The following TCOF1 variants were observed in gnomAD, a reference collection of about 807,000 sequenced individuals.
TCOF1 encodes the protein treacle ribosome biogenesis factor 1.
In TCOF1, 33 loss-of-function variants were observed where a neutral mutation model predicts 149.0. The ratio of observed to expected loss-of-function variants is 0.22; its 90% CI spans 0.17 to 0.30. The LOEUF (loss-of-function observed/expected upper bound fraction) is 0.30. TCOF1 is among the 10% of genes least tolerant of loss of function. TCOF1 has a pLI of 1.00. For synonymous variants in TCOF1, 789 were observed against 738.8 expected (o/e 1.07, Z -1.10); for missense variants, 1,728 against 1,840.7 (o/e 0.94, Z 1.12).
chr5:150,396,023 C>T (rs908929523), intron 23 of TCOF1, among the ~76,000 whole-genome samples: 4 of 152,026 alleles, frequency 2.6e-5, no homozygotes, highest in Non-Finnish European at 1.5e-5. Context: ...ATTTTCTGTC[C>T]CCCACCCTAA....
Position 150,392,853 on chromosome 5 carries a change from C to CT in TCOF1, c.3603+64dup, listed in dbSNP as rs151344577. On this transcript the variant is annotated intron_variant, in intron 22 of 26. Coordinates refer to ENST00000643257, the MANE Select transcript of TCOF1 (RefSeq NM_001371623.1). ...TAGGGTGGAGCCCCAGGCCAGGCTC[C>CT]TGTCTACCCGATCCCTCAGGTCAGG... 68 of 1,573,770 alleles carry CT rather than the reference C, an allele frequency of 4.3e-5. No individual in the cohort carries two copies. The highest frequency in any genetic ancestry group is 5.9e-5 in the Non-Finnish European group (68 of 1,153,270).
At position 150,379,709 on chromosome 5, in the gene TCOF1, C is replaced by T. The variant is rs188422537; in HGVS notation, c.2836C>T (p.Pro946Ser). Reference protein sequence around the residue: ...SEESDSDGEAPAAVTSAQVIK... With the variant: ...SEESDSDGEASAAVTSAQVIK... ...GGAATCAGACAGTGATGGGGAGGCA[C>T]CGGCAGCTGTGACCTCTGCCCAGGT... Residue 946 changes from proline to serine, a missense_variant, in exon 17 of 27, where the codon CCG (proline) becomes TCG (serine). This residue lies in a region of TCOF1 where 1,696 missense variants were observed against 1,765.4 expected (regional missense o/e 0.96). Coordinates refer to ENST00000643257, the MANE Select transcript of TCOF1 (RefSeq NM_001371623.1). 5 of 1,614,146 alleles carry T rather than the reference C, an allele frequency of 3.1e-6. No homozygotes were observed. In the East Asian group the frequency reaches 8.9e-5, roughly 29 times the overall value.
At position 150,392,772 on chromosome 5, in the gene TCOF1, T is replaced by G. The variant is rs1767708117; in HGVS notation, c.3585T>G (p.Asp1195Glu). 1 of 1,613,980 alleles carries G rather than the reference T, an allele frequency of 6.2e-7. No individual in the cohort carries two copies. Among genetic ancestry groups the G allele is most frequent in the African/African-American group, 1.3e-5 (1 of 75,044 alleles). ...CCGCAGCAGAGTCCAGCGAGGATGA[T>G]GTGGTGGCGCCATCCCAGGTAACTG... Reference protein sequence around the residue: ...EETAAESSEDDVVAPSQSLLS... With the variant: ...EETAAESSEDEVVAPSQSLLS... Residue 1195 changes from aspartate (D) to glutamate (E), a missense_variant, in exon 22 of 27, where the codon GAT (aspartate) becomes GAG (glutamate). By Grantham distance (45) the Asp-to-Glu change is conservative (BLOSUM62 2). Transcript: ENST00000643257.
At chr5:150,364,496 G>A (rs1760867316) in intron 3 of TCOF1, among the ~76,000 whole-genome samples, 1 of 152,196 alleles carries the variant, frequency 6.6e-6, no homozygotes, top group Admixed American at 6.5e-5. Context: ...CTCATTTGGT[G>A]TATGGGGCCC....
At position 150,376,437 on chromosome 5, in the gene TCOF1, G is replaced by C; in HGVS notation, c.2157G>C (p.Gly719=). 4 of 1,614,232 alleles carry C rather than the reference G, an allele frequency of 2.5e-6. No homozygotes were observed. Among genetic ancestry groups the C allele is most frequent in the Non-Finnish European group, 3.4e-6 (4 of 1,180,046 alleles). Residue 719 remains glycine (G), a synonymous_variant, in exon 14 of 27, where the codon GGG becomes GGC. Transcript: ENST00000643257. The part of the protein sequence containing the change: ...AVTVGQAKSV[G]KGLQVKAASV... Reference sequence around the variant, plus strand: ...TGTCATCCCAGGCAAAGTCTGTGGGGAAAGGCCTCCAGGTGAAAGCAGCCT... The same window carrying C: ...TGTCATCCCAGGCAAAGTCTGTGGGCAAAGGCCTCCAGGTGAAAGCAGCCT...
intron 17 of TCOF1, chr5:150,380,361 G>C (rs1416820686): frequency 5.6e-5 from 9 of 160,748 alleles, no homozygotes; most frequent in Admixed American, 5.2e-4. Flanking sequence ...CTACATGTTA[G>C]TTATTGTGCA....
At chr5:150,398,559 CG>C in intron 25 of TCOF1, 108 bp downstream of exon 25, 1 of 1,554,186 alleles carries the variant, frequency 6.4e-7, no homozygotes. Context: ...GGGGCCCAGT[CG>C]GGGGCGTCAG....
chr5:150,395,683 C>G (rs1356350345), intron 23 of TCOF1, among the ~76,000 whole-genome samples: 1 of 152,122 alleles, frequency 6.6e-6, no homozygotes, highest in East Asian at 1.9e-4. Flanking sequence ...TACACTGCAC[C>G]CAGAGCTCCC....
intron 3 of TCOF1, among the ~76,000 whole-genome samples, chr5:150,365,878 T>C (rs1761228826): frequency 6.6e-6 from 1 of 151,434 alleles, no homozygotes; most frequent in South Asian, 2.1e-4. Context: ...CCCAGCACTT[T>C]GGGAGGTCAA....
intron 11 of TCOF1, 24 bp downstream of exon 11, chr5:150,375,578 CTTTCT>C: frequency 6.2e-7 from 1 of 1,613,696 alleles, no homozygotes; most frequent in Non-Finnish European, 8.5e-7. Flanking sequence ...CTGTAAGGCT[CTTTCT>C]TTTTCCCCCC....
chr5:150,361,073 C>A lies in TCOF1; in HGVS notation c.109-83C>A. ...TTCTGAACCACCTGTCTATACAAGTCATGAGTTTGGGGAGATCTGGGCCCA... is the reference window on the plus strand; with the variant it reads ...TTCTGAACCACCTGTCTATACAAGTAATGAGTTTGGGGAGATCTGGGCCCA... On this transcript the variant is annotated intron_variant, in intron 1 of 26. Coordinates refer to ENST00000643257, the MANE Select transcript of TCOF1 (RefSeq NM_001371623.1). The A allele has an allele frequency of 5.1e-6, 8 of 1,577,852 alleles. No homozygotes were observed. In the South Asian group the frequency reaches 5.6e-5, roughly 11 times the overall value.
At chr5:150,377,682 C>T (rs1032032899) in intron 14 of TCOF1, among the ~76,000 whole-genome samples, 3 of 152,000 alleles carry the variant, frequency 2.0e-5, no homozygotes, top group African/African-American at 7.2e-5. Context: ...TGCAGGGGCC[C>T]CTTCCAGAGC....
chr5:150,399,297 G>A (rs1362725341), intron 26 of TCOF1, among the ~76,000 whole-genome samples: 1 of 152,242 alleles, frequency 6.6e-6, no homozygotes, highest in Non-Finnish European at 1.5e-5. Flanking sequence ...GACACCGAGT[G>A]CACCTGGGTG....
intron 1 of TCOF1, among the ~76,000 whole-genome samples, chr5:150,360,582 A>G (rs1351358739): frequency 6.6e-6 from 1 of 152,156 alleles, no homozygotes; most frequent in Non-Finnish European, 1.5e-5. Flanking sequence ...GAGCTGGATG[A>G]ATGCTAGCTT....
intron 17 of TCOF1, among the ~76,000 whole-genome samples, chr5:150,387,452 T>C (rs1355679108): frequency 6.6e-6 from 1 of 152,178 alleles, no homozygotes; most frequent in East Asian, 1.9e-4. Flanking sequence ...CCCAGGTGAA[T>C]TGCATATTCC....
Position 150,399,908 on chromosome 5 carries a change from AC to A in TCOF1, c.*122del, listed in dbSNP as rs1257948303. On this transcript the variant is annotated 3_prime_UTR_variant, in exon 27 of 27. Transcript: ENST00000643257. ...CTAAACTGTTACCTTCCCTCGCTCC[AC>A]AGAAGAAGACAGCCAGCTTCAGGGG... The A allele has an allele frequency of 1.3e-5, 2 of 152,338 alleles. No individual in the cohort carries two copies. Among genetic ancestry groups the A allele is most frequent in the African/African-American group, 4.8e-5 (2 of 41,410 alleles). The allele number at this position is 152,338 out of a possible 1,614,324, so 9.4% of individuals were successfully genotyped here. A position where few individuals can be genotyped will look rare whatever the true frequency, so the allele number is the denominator to read the frequency against.
At chr5:150,395,574 AT>A (rs1238780183) in intron 23 of TCOF1, among the ~76,000 whole-genome samples, 5 of 151,234 alleles carry the variant, frequency 3.3e-5, no homozygotes, top group African/African-American at 1.2e-4. Context: ...GCACACAATT[AT>A]CAAAGGCAAG....
chr5:150,389,292 G>A (rs1766925295), intron 18 of TCOF1, among the ~76,000 whole-genome samples: 1 of 152,162 alleles, frequency 6.6e-6, no homozygotes, highest in Non-Finnish European at 1.5e-5. Context: ...AGACCATACT[G>A]TATCTAATGT....
intron 17 of TCOF1, 82 bp downstream of exon 17, chr5:150,379,814 G>A (rs1321259414): frequency 2.0e-6 from 3 of 1,527,632 alleles, no homozygotes; most frequent in Non-Finnish European, 2.7e-6. Flanking sequence ...GCTCACACCT[G>A]TAATCCTAGC....
Sources: allele counts gnomAD v4.1 joint callset (sites outside exome capture counted in the v4.1 genomes callset), GRCh38; gene constraint gnomAD v4.1.1; regional missense constraint gnomAD v4.1.1; transcripts MANE v1.5; gene names NCBI Gene and HGNC (gene_info 2026-07-23, HGNC 2026-07-21).